FOXP1: variants seen among roughly 807,000 people sequenced by gnomAD.
FOXP1 encodes the protein forkhead box protein P1.
Under a neutral mutation model 98.2 loss-of-function variants are expected in FOXP1, and 15 were observed. The ratio of observed to expected loss-of-function variants is 0.15; its 90% CI spans 0.10 to 0.24. The LOEUF (loss-of-function observed/expected upper bound fraction) is 0.24, where lower values mean the gene tolerates loss of function less well. FOXP1 is among the 10% of genes least tolerant of loss of function. The probability of loss-of-function intolerance (pLI) is 1.00; values close to 1 mark genes in which losing one functional copy is unlikely to be tolerated. For synonymous variants in FOXP1, 371 were observed against 314.5 expected (o/e 1.18, Z -1.90); for missense variants, 633 against 848.5 (o/e 0.75, Z 3.15).
At chr3:71,487,988 G>C (rs998060256) in intron 3 of FOXP1, among the ~76,000 whole-genome samples, 5 of 151,786 alleles carry the variant, frequency 3.3e-5, no homozygotes, top group Non-Finnish European at 5.9e-5. Flanking sequence ...TTTAATAAAA[G>C]TGAGAAAAGG....
intron 11 of FOXP1, among the ~76,000 whole-genome samples, chr3:71,022,236 C>T (rs1174309342): frequency 6.6e-6 from 1 of 152,080 alleles, no homozygotes; most frequent in African/African-American, 2.4e-5. Flanking sequence ...ATAAAAGTAT[C>T]AAACCATTAC....
At chr3:71,299,642 A>G (rs969103600) in intron 5 of FOXP1, among the ~76,000 whole-genome samples, 178 bp downstream of exon 5, 5 of 152,244 alleles carry the variant, frequency 3.3e-5, no homozygotes, top group Non-Finnish European at 4.4e-5. Flanking sequence ...CCTGTAGACC[A>G]TTTCTTAAGG....
chr3:71,267,721 A>G (rs1280587339), intron 5 of FOXP1, among the ~76,000 whole-genome samples: 1 of 152,184 alleles, frequency 6.6e-6, no homozygotes, highest in Non-Finnish European at 1.5e-5. Flanking sequence ...AGATTACTTA[A>G]AAATGTCTGT....
At chr3:71,396,724 A>AGTGAGCTGAGATCCCGCC (rs1560423218) in intron 3 of FOXP1, among the ~76,000 whole-genome samples, 26 of 138,778 alleles carry the variant, frequency 1.9e-4, no homozygotes, top group African/African-American at 8.1e-4. Flanking sequence ...AGAAGACAGC[A>AGTGAGCTGAGATCCCGCC]ACAGCAGAGC....
rs533972333 is a variant in FOXP1 at position 71,494,295 on chromosome 3, T to G, written c.-297-740A>C. Reference sequence around the variant, plus strand: ...ATGCTCTTCAAGTTCCTTCTACCTCTAAGCTTCTGTCTTTTTGAAAGAAGC... The same window carrying G: ...ATGCTCTTCAAGTTCCTTCTACCTCGAAGCTTCTGTCTTTTTGAAAGAAGC... On this transcript the variant is annotated intron_variant, in intron 2 of 20. Transcript: ENST00000649528. Among the ~76,000 whole-genome samples, 513 of 152,350 alleles carry G rather than the reference T, an allele frequency of 3.4e-3. 3 individuals are homozygous for G. The highest frequency in any genetic ancestry group is 0.012 in the African/African-American group (486 of 41,590).
At chr3:71,033,347 T>C (rs2047125597) in intron 11 of FOXP1, among the ~76,000 whole-genome samples, 1 of 152,148 alleles carries the variant, frequency 6.6e-6, no homozygotes, top group Admixed American at 6.5e-5. Context: ...AGATTCATAT[T>C]ATACAACATC....
At chr3:71,574,739 C>A (rs770089269) in intron 2 of FOXP1, among the ~76,000 whole-genome samples, 3 of 152,148 alleles carry the variant, frequency 2.0e-5, no homozygotes, top group Non-Finnish European at 4.4e-5. Context: ...AGCATGACAA[C>A]ACCCATTGGG....
intron 4 of FOXP1, among the ~76,000 whole-genome samples, chr3:71,320,983 T>C (rs1003332764): frequency 6.6e-6 from 1 of 152,152 alleles, no homozygotes; most frequent in Non-Finnish European, 1.5e-5. Context: ...TTGTTTATGA[T>C]ACAGTGCAAA....
chr3:71,539,175 A>G (rs113038061), intron 2 of FOXP1, among the ~76,000 whole-genome samples: 1,916 of 40,026 alleles, frequency 0.048, no homozygotes, highest in African/African-American at 0.089. Context: ...GCAGTGGCGC[A>G]ATCTTGGCTC....
intron 7 of FOXP1, among the ~76,000 whole-genome samples, chr3:71,112,199 C>T (rs1051846057): frequency 2.6e-5 from 4 of 152,058 alleles, no homozygotes; most frequent in Non-Finnish European, 4.4e-5. Flanking sequence ...TGTGTTTATG[C>T]CATTTCTAGA....
intron 3 of FOXP1, among the ~76,000 whole-genome samples, chr3:71,431,161 G>C (rs1026269471): frequency 1.3e-5 from 2 of 152,110 alleles, no homozygotes; most frequent in African/African-American, 4.8e-5. Flanking sequence ...GCCATGCAAA[G>C]ACAGCACAGA....
intron 5 of FOXP1, among the ~76,000 whole-genome samples, chr3:71,254,523 G>A (rs985858189): frequency 1.3e-5 from 2 of 152,194 alleles, no homozygotes; most frequent in African/African-American, 4.8e-5. Flanking sequence ...TAATGTTCAT[G>A]ATAATACAAT....
At chr3:71,100,541 G>A (rs1274101951) in intron 7 of FOXP1, among the ~76,000 whole-genome samples, 1 of 152,198 alleles carries the variant, frequency 6.6e-6, no homozygotes, top group Non-Finnish European at 1.5e-5. Context: ...GTCACATGGT[G>A]GAGAACTTAG....
At chr3:71,201,091 T>C (rs2063645112) in intron 5 of FOXP1, among the ~76,000 whole-genome samples, 1 of 152,250 alleles carries the variant, frequency 6.6e-6, no homozygotes, top group Non-Finnish European at 1.5e-5. Context: ...TATTATTTTT[T>C]CATTCTCATG....
chr3:71,282,728 T>C (rs555815635), intron 5 of FOXP1, among the ~76,000 whole-genome samples: 36 of 152,228 alleles, frequency 2.4e-4, no homozygotes, highest in Middle Eastern at 3.4e-3. Context: ...CCTACGCTAT[T>C]CTTTGTATCA....
chr3:71,046,473 A>G (rs982773884), intron 10 of FOXP1, among the ~76,000 whole-genome samples: 4 of 152,218 alleles, frequency 2.6e-5, no homozygotes, highest in Admixed American at 2.6e-4. Flanking sequence ...GTTGATTTCT[A>G]TCGTTTACAG....
At chr3:71,227,690 G>A (rs986585342) in intron 5 of FOXP1, among the ~76,000 whole-genome samples, 23 of 148,750 alleles carry the variant, frequency 1.5e-4, no homozygotes, top group Middle Eastern at 3.3e-3. Context: ...TTAAAGATTT[G>A]TTTTGAGATT....
intron 2 of FOXP1, among the ~76,000 whole-genome samples, chr3:71,553,008 G>T (rs1019548637): frequency 6.6e-6 from 1 of 152,076 alleles, no homozygotes; most frequent in Middle Eastern, 3.4e-3. Context: ...TCATAAAATT[G>T]CCTACAGTAT....
intron 2 of FOXP1, among the ~76,000 whole-genome samples, chr3:71,525,913 C>T (rs1195006055): frequency 1.3e-5 from 2 of 151,838 alleles, no homozygotes; most frequent in South Asian, 2.1e-4. Context: ...GTCAGGAGTT[C>T]GAGACCAGCC....
Sources: gnomAD v4.1 joint callset for allele counts (sites outside exome capture counted in the v4.1 genomes callset) on GRCh38, gnomAD v4.1.1 for gene constraint, MANE v1.5 for transcripts, NCBI Gene and HGNC (gene_info 2026-07-23, HGNC 2026-07-21) for gene names.